Variants in OLFM3 observed in about 807,000 individuals in gnomAD.
OLFM3 encodes olfactomedin 3, also known as noelin-3.
Under a neutral mutation model 48.6 loss-of-function variants are expected in OLFM3, and 20 were observed. The ratio of observed to expected loss-of-function variants is 0.41; its 90% CI spans 0.29 to 0.60. The LOEUF is 0.60. Ranked by LOEUF, OLFM3 falls within the 20% of genes least tolerant of loss-of-function variation. The pLI is 0.28. For missense variants in OLFM3, 437 were observed against 544.3 expected (o/e 0.80, Z 1.96); for synonymous variants, 222 against 198.1 (o/e 1.12, Z -1.01).
intron 1 of OLFM3, among the ~76,000 whole-genome samples, chr1:101,967,864 C>T (rs1026396342): frequency 1.3e-5 from 2 of 151,938 alleles, no homozygotes; most frequent in African/African-American, 4.8e-5. Flanking sequence ...TGCAGGCATT[C>T]TTCAGAGTAT....
intron 1 of OLFM3, among the ~76,000 whole-genome samples, chr1:101,880,727 G>A (rs1187872823): frequency 6.6e-6 from 1 of 151,826 alleles, no homozygotes; most frequent in Non-Finnish European, 1.5e-5. Context: ...AAGCAGGACA[G>A]ACTGAGCTTT....
intron 1 of OLFM3, among the ~76,000 whole-genome samples, chr1:101,965,339 G>T (rs1313246017): frequency 6.6e-6 from 1 of 152,184 alleles, no homozygotes; most frequent in Non-Finnish European, 1.5e-5. Context: ...ATAGGACAAA[G>T]ATTTCGAAGG....
chr1:101,917,135 C>T (rs1301892219), intron 1 of OLFM3, among the ~76,000 whole-genome samples: 1 of 151,828 alleles, frequency 6.6e-6, no homozygotes, highest in Non-Finnish European at 1.5e-5. Flanking sequence ...GTTATGTGTG[C>T]CAAGAAGAAG....
intron 1 of OLFM3, among the ~76,000 whole-genome samples, chr1:101,857,512 C>A (rs568758736): frequency 6.6e-6 from 1 of 151,790 alleles, no homozygotes; most frequent in Non-Finnish European, 1.5e-5. Context: ...AACATTGTAA[C>A]GTGAGGAGTG....
intron 1 of OLFM3, chr1:101,846,979 T>C: frequency 6.2e-7 from 1 of 1,609,608 alleles, no homozygotes; most frequent in South Asian, 1.1e-5. Context: ...CTCATTGCTG[T>C]GGAGCTAATG....
intron 4 of OLFM3, among the ~76,000 whole-genome samples, chr1:101,810,206 GT>G (rs1653982941): frequency 6.6e-6 from 1 of 151,914 alleles, no homozygotes; most frequent in African/African-American, 2.4e-5. Flanking sequence ...GGGTTGAACT[GT>G]GAATAGTCAT....
chr1:101,945,475 C>T (rs11164342), intron 1 of OLFM3, among the ~76,000 whole-genome samples: 60,930 of 151,686 alleles, frequency 0.4, 12,516 homozygotes, highest in East Asian at 0.51. Flanking sequence ...TTGCAGGAAG[C>T]AGGTCAGTGG....
intron 1 of OLFM3, among the ~76,000 whole-genome samples, chr1:101,892,205 G>C (rs111997080): frequency 6.6e-5 from 10 of 151,904 alleles, no homozygotes; most frequent in Admixed American, 6.6e-4. Context: ...GGTGTGCCAA[G>C]CAAGAGATGT....
At chr1:101,881,574 A>G (rs1335698430) in intron 1 of OLFM3, among the ~76,000 whole-genome samples, 1 of 151,910 alleles carries the variant, frequency 6.6e-6, no homozygotes, top group African/African-American at 2.4e-5. Context: ...TATAATAACA[A>G]TAAGGAGTAA....
intron 1 of OLFM3, among the ~76,000 whole-genome samples, chr1:101,896,733 C>T (rs1178901043): frequency 7.0e-6 from 1 of 143,508 alleles, no homozygotes; most frequent in Non-Finnish European, 1.5e-5. Context: ...ATCTCCTGAC[C>T]TTGTGATCCG....
At chr1:101,875,994 A>G (rs1349692099) in intron 1 of OLFM3, among the ~76,000 whole-genome samples, 1 of 152,070 alleles carries the variant, frequency 6.6e-6, no homozygotes, top group Non-Finnish European at 1.5e-5. Flanking sequence ...AAGAGAATTT[A>G]TCAGAATTCT....
intron 1 of OLFM3, among the ~76,000 whole-genome samples, chr1:101,866,268 G>A (rs1226502165): frequency 6.6e-6 from 1 of 151,938 alleles, no homozygotes; most frequent in African/African-American, 2.4e-5. Context: ...TATTTTAGTT[G>A]AATCATTTTG....
At chr1:101,840,042 T>C (rs1033459643) in intron 1 of OLFM3, among the ~76,000 whole-genome samples, 3 of 152,160 alleles carry the variant, frequency 2.0e-5, no homozygotes, top group Non-Finnish European at 4.4e-5. Flanking sequence ...AATAGAAGCT[T>C]TATGAGTGTT....
chr1:101,885,755 C>G (rs528843086), intron 1 of OLFM3, among the ~76,000 whole-genome samples: 1 of 152,218 alleles, frequency 6.6e-6, no homozygotes, highest in South Asian at 2.1e-4. Context: ...CACATAACCA[C>G]AAAATGTGTG....
intron 1 of OLFM3, among the ~76,000 whole-genome samples, chr1:101,956,095 T>TTATTA (rs1553183050): frequency 2.8e-5 from 4 of 143,714 alleles, no homozygotes; most frequent in Non-Finnish European, 6.1e-5. Context: ...GGTTTTTTTT[T>TTATTA]TTTTTTTTAA....
rs549814878 is a variant in OLFM3 at position 101,803,365 on chromosome 1, A to G, written c.*873T>C. On this transcript the variant is annotated 3_prime_UTR_variant, in exon 6 of 6. Coordinates refer to ENST00000370103, the MANE Select transcript of OLFM3 (RefSeq NM_058170.4). ...CCAGATGCACCTTGTGCAAGAAACT[A>G]TATGGGTTGCATTCAGTGGAGTGAA... 1.3e-5 allele frequency: 2 copies of G among 152,120 alleles called. No individual in the cohort carries two copies. The highest frequency in any genetic ancestry group is 2.9e-5 in the Non-Finnish European group (2 of 67,812). The allele number at this position is 152,120 out of a possible 1,614,324, so 9.4% of individuals were successfully genotyped here.
At chr1:101,985,968 T>TC in intron 1 of OLFM3, among the ~76,000 whole-genome samples, 1 of 149,602 alleles carries the variant, frequency 6.7e-6, no homozygotes, top group East Asian at 1.9e-4. Flanking sequence ...GAACTACATT[T>TC]TTTTTTTTTT....
chr1:101,838,217 T>C (rs1441109951), intron 1 of OLFM3, among the ~76,000 whole-genome samples: 1 of 152,010 alleles, frequency 6.6e-6, no homozygotes, highest in East Asian at 1.9e-4. Context: ...TGTCACCATG[T>C]CTGGCTAATT....
chr1:101,964,307 C>A (rs1660551918), intron 1 of OLFM3, among the ~76,000 whole-genome samples: 1 of 151,944 alleles, frequency 6.6e-6, no homozygotes, highest in African/African-American at 2.4e-5. Flanking sequence ...ATGAAAAAGG[C>A]AAGAAATGAG....
Sources: gnomAD v4.1 joint callset for allele counts (sites outside exome capture counted in the v4.1 genomes callset) on GRCh38, gnomAD v4.1.1 for gene constraint, MANE v1.5 for transcripts, NCBI Gene and HGNC (gene_info 2026-07-23, HGNC 2026-07-21) for gene names.